The following LEMD1 variants were observed in gnomAD, a reference collection of about 807,000 sequenced individuals.
LEMD1 encodes LEM domain-containing protein 1.
A neutral mutation model predicts 17.4 loss-of-function variants in LEMD1; 18 were observed. The ratio of observed to expected loss-of-function variants is 1.04; its 90% CI spans 0.72 to 1.54. LEMD1 has a LOEUF of 1.54. LEMD1 is among the 40% of genes most tolerant of loss of function. LEMD1 has a pLI of 0.00. For synonymous variants in LEMD1, 88 were observed against 77.8 expected (o/e 1.13, Z -0.69); for missense variants, 195 against 210.4 (o/e 0.93, Z 0.45).
Position 205,434,651 on chromosome 1 carries a change from G to A in LEMD1, c.-38-14077C>T, listed in dbSNP as rs529476522. ...TCCTTCAGTTTAGAGATAGCACAACGGAGGCTCACGGAGTTCCAGGAGACC... is the reference window on the plus strand; with the variant it reads ...TCCTTCAGTTTAGAGATAGCACAACAGAGGCTCACGGAGTTCCAGGAGACC... On this transcript the variant is annotated intron_variant, in intron 1 of 3. Transcript: ENST00000367154. Among the ~76,000 whole-genome samples the A allele has an allele frequency of 7.1e-4, 108 of 152,178 alleles. 2 individuals carry two copies. In the South Asian group the frequency reaches 0.022, roughly 30 times the overall value.
At chr1:205,400,952 T>C (rs1664821068) in intron 4 of LEMD1, among the ~76,000 whole-genome samples, 1 of 150,816 alleles carries the variant, frequency 6.6e-6, no homozygotes, top group Non-Finnish European at 1.5e-5. Flanking sequence ...TGGTGTTTGG[T>C]TTTTTGTCCT....
intron 4 of LEMD1, among the ~76,000 whole-genome samples, chr1:205,397,335 A>C (rs781495218): frequency 6.6e-6 from 1 of 152,094 alleles, no homozygotes; most frequent in East Asian, 1.9e-4. Flanking sequence ...CTAATCCTCT[A>C]TGTGGTCTTG....
intron 1 of LEMD1, 62 bp from the exon 2 acceptor site, chr1:205,420,636 C>A (rs369727550): frequency 3.1e-5 from 28 of 897,556 alleles, no homozygotes; most frequent in South Asian, 3.0e-4. Flanking sequence ...TAAAATGTTA[C>A]CAATCCACAT....
chr1:205,422,428 C>T (rs1352135443), upstream of LEMD1, among the ~76,000 whole-genome samples: 4 of 152,004 alleles, frequency 2.6e-5, no homozygotes, highest in Non-Finnish European at 4.4e-5. Context: ...AATAGGAAAG[C>T]GGAAGAAACC....
At chr1:205,387,899 T>C (rs1664113646) in intron 4 of LEMD1, among the ~76,000 whole-genome samples, 1 of 152,276 alleles carries the variant, frequency 6.6e-6, no homozygotes, top group South Asian at 2.1e-4. Context: ...GCATTCCCTG[T>C]GCACCAGGCA....
chr1:205,447,228 C>A (rs1352455456), intron 1 of LEMD1, among the ~76,000 whole-genome samples: 3 of 152,224 alleles, frequency 2.0e-5, no homozygotes, highest in South Asian at 4.1e-4. Flanking sequence ...TCTTAGCTCC[C>A]TGTGCCTCAG....
intron 1 of LEMD1, chr1:205,437,932 C>A (rs374440421): frequency 6.6e-6 from 1 of 151,132 alleles, no homozygotes; most frequent in East Asian, 1.9e-4. Context: ...CTTTTTTTTT[C>A]CTAAAAATAA....
At chr1:205,410,972 GGAAA>G (rs1022797875) in intron 4 of LEMD1, among the ~76,000 whole-genome samples, 6 of 140,428 alleles carry the variant, frequency 4.3e-5, no homozygotes, top group East Asian at 4.2e-4. Flanking sequence ...AAAGAAAGAA[GGAAA>G]GAAAGGAAGG....
chr1:205,410,842 G>C lies in LEMD1; in HGVS notation c.270+5390C>G, dbSNP rs1262540594. On this transcript the variant is annotated intron_variant, in intron 4 of 5. Transcript: ENST00000367153. ...TGATGATGCCACTGCACTCCAGCCT[G>C]GGCAACAGAATGAGTCTCCGTGAGA... Among the ~76,000 whole-genome samples, 5 of 151,086 alleles carry C rather than the reference G, an allele frequency of 3.3e-5. 1 individual carries two copies. Among genetic ancestry groups the C allele is most frequent in the Non-Finnish European group, 7.4e-5 (5 of 67,842 alleles).
intron 1 of LEMD1, among the ~76,000 whole-genome samples, chr1:205,432,932 G>A (rs904109010): frequency 1.3e-5 from 2 of 152,188 alleles, no homozygotes; most frequent in Non-Finnish European, 2.9e-5. Context: ...GACCACTTGA[G>A]CCTGGGAGGT....
At chr1:205,418,224 T>C (rs1022182688) in intron 3 of LEMD1, among the ~76,000 whole-genome samples, 2 of 152,308 alleles carry the variant, frequency 1.3e-5, no homozygotes, top group East Asian at 1.9e-4. Flanking sequence ...TAAATGGTAG[T>C]TCCTGTCATT....
intron 4 of LEMD1, among the ~76,000 whole-genome samples, chr1:205,400,705 AATT>A (rs938677502): frequency 3.3e-5 from 5 of 151,766 alleles, no homozygotes; most frequent in South Asian, 2.1e-4. Context: ...TCCTTTTTTA[AATT>A]ATTATTATAC....
At chr1:205,438,614 C>T (rs1380891897) in intron 1 of LEMD1, among the ~76,000 whole-genome samples, 1 of 152,152 alleles carries the variant, frequency 6.6e-6, no homozygotes, top group Non-Finnish European at 1.5e-5. Flanking sequence ...TTGGGGTGTG[C>T]CTGGCTAGAA....
intron 1 of LEMD1, among the ~76,000 whole-genome samples, chr1:205,429,710 G>A (rs1666100390): frequency 6.6e-6 from 1 of 151,918 alleles, no homozygotes; most frequent in African/African-American, 2.4e-5. Flanking sequence ...TCCTTAGCAT[G>A]CTTTTTAGCT....
intron 4 of LEMD1, among the ~76,000 whole-genome samples, chr1:205,406,064 G>A (rs1665082066): frequency 6.6e-6 from 1 of 152,150 alleles, no homozygotes; most frequent in Non-Finnish European, 1.5e-5. Context: ...TCCTCTGGAA[G>A]TTTTGTCTCA....
chr1:205,435,773 G>A (rs2102458154), intron 1 of LEMD1: 1 of 152,304 alleles, frequency 6.6e-6, no homozygotes, highest in Admixed American at 6.5e-5. Context: ...GGGAGACCAT[G>A]CAGAGTTTTG....
intron 4 of LEMD1, among the ~76,000 whole-genome samples, chr1:205,413,220 T>C: frequency 6.6e-6 from 1 of 152,182 alleles, no homozygotes; most frequent in Non-Finnish European, 1.5e-5. Flanking sequence ...AGCTTTGAAC[T>C]CCTACTATGT....
intron 1 of LEMD1, among the ~76,000 whole-genome samples, chr1:205,434,340 TA>T (rs35753110): frequency 2.5e-4 from 33 of 131,874 alleles, no homozygotes; most frequent in African/African-American, 8.4e-4. Flanking sequence ...CCTGGCTAAG[TA>T]AAAAAAAATA....
intron 1 of LEMD1, among the ~76,000 whole-genome samples, chr1:205,439,110 G>C (rs1353743558): frequency 6.6e-6 from 1 of 152,172 alleles, no homozygotes; most frequent in African/African-American, 2.4e-5. Context: ...CCCTCCAGGA[G>C]GCTCTCTGGC....
Sources: gnomAD v4.1 joint callset for allele counts (sites outside exome capture counted in the v4.1 genomes callset) on GRCh38, gnomAD v4.1.1 for gene constraint, MANE v1.5 for transcripts, NCBI Gene and HGNC (gene_info 2026-07-23, HGNC 2026-07-21) for gene names.